Variants in LRPAP1 observed in about 807,000 individuals in gnomAD.
LRPAP1 encodes alpha-2-macroglobulin receptor-associated protein.
A neutral mutation model predicts 39.9 loss-of-function variants in LRPAP1; 41 were observed. That is an observed-to-expected ratio of 1.03 (90% CI 0.80 to 1.33). The LOEUF is 1.33. Among genes scored for constraint, LRPAP1 ranks in the 40% most tolerant of loss-of-function variants. LRPAP1 has a pLI of 0.00. For missense variants in LRPAP1, 565 were observed against 482.3 expected, an observed-to-expected ratio of 1.17 and a Z score of -1.61; for synonymous variants, 263 against 212.7, an observed-to-expected ratio of 1.24 and a Z score of -2.06.
chr4:3,528,217 T>C (rs1730137696), intron 1 of LRPAP1, among the ~76,000 whole-genome samples: 1 of 152,210 alleles, frequency 6.6e-6, no homozygotes, highest in Non-Finnish European at 1.5e-5. Flanking sequence ...GAAAAGAACC[T>C]GTCAAACATG....
rs1729780942 is a variant in LRPAP1, at chr4:3,518,146, C to G, written c.639G>C (p.Lys213Asn). The change falls in exon 5 of 8, where the codon AAG (lysine) becomes AAC (asparagine). Residue 213 changes from lysine (K) to asparagine (N), a missense_variant. By Grantham distance (94) the Lys-to-Asn change is moderately conservative. Coordinates refer to ENST00000650182, the MANE Select transcript of LRPAP1 (RefSeq NM_002337.4). Reference protein sequence around the residue: ...VISPSDLSDIKGSVLHSRHTE... With the variant: ...VISPSDLSDINGSVLHSRHTE... ...TGTGCCTGCTGTGCAGGACGCTGCC[C>G]TTGATGTCGCTCAGGTCCGAGGGGC... is the stretch of plus-strand genomic sequence containing the variant. 1 of 1,613,448 alleles carries G rather than the reference C, an allele frequency of 6.2e-7. No homozygotes were observed. The highest frequency in any genetic ancestry group is 1.3e-5 in the African/African-American group (1 of 74,936).
At chr4:3,522,513 C>A (rs959413201) in intron 2 of LRPAP1, among the ~76,000 whole-genome samples, 50 of 41,090 alleles carry the variant, frequency 1.2e-3, no homozygotes, top group Non-Finnish European at 2.2e-3. Context: ...CACTCCCTGC[C>A]TGGGGAGGAC....
chr4:3,509,107 T>G lies in LRPAP1; in HGVS notation c.*3867A>C, dbSNP rs1422539133. ...AGCATATCGAACACCTAGGACTAGATCTAAAGGAAAACATGCCAGACACAT... is the reference window on the plus strand; with the variant it reads ...AGCATATCGAACACCTAGGACTAGAGCTAAAGGAAAACATGCCAGACACAT... On this transcript the variant is annotated 3_prime_UTR_variant, in exon 8 of 8. Coordinates refer to ENST00000650182, the MANE Select transcript of LRPAP1 (RefSeq NM_002337.4). 6.6e-6 allele frequency: 1 copy of G among 152,258 alleles called. No homozygotes were observed. Among genetic ancestry groups the G allele is most frequent in the African/African-American group, 2.4e-5 (1 of 41,458 alleles). 9.4% of individuals were successfully genotyped at this position (152,258 alleles called of 1,614,324 possible).
intron 1 of LRPAP1, among the ~76,000 whole-genome samples, chr4:3,531,521 G>A (rs1014724510): frequency 3.9e-5 from 6 of 152,170 alleles, no homozygotes; most frequent in African/African-American, 1.4e-4. Context: ...TTAATGAAGA[G>A]AGCAGCTGGC....
rs571469169 is a variant in LRPAP1 at position 3,513,768 on chromosome 4, A to C, written c.1012-732T>G. Among the ~76,000 whole-genome samples, 4 of 152,340 alleles carry C rather than the reference A, an allele frequency of 2.6e-5. No homozygotes were observed. In the South Asian group the frequency reaches 6.2e-4, roughly 24 times the overall value. ...CCACAGATACCACCCCAGTGGCAGC[A>C]GGTGCTGCGTCAGCCCAGCCTGGGC... is the stretch of plus-strand genomic sequence containing the variant. On this transcript the variant is annotated intron_variant, in intron 7 of 7. Coordinates refer to ENST00000650182, the MANE Select transcript of LRPAP1 (RefSeq NM_002337.4).
At chr4:3,521,421 G>A (rs1188588076) in intron 2 of LRPAP1, among the ~76,000 whole-genome samples, 2 of 152,136 alleles carry the variant, frequency 1.3e-5, no homozygotes, top group South Asian at 2.1e-4. Flanking sequence ...TACTCCCAGC[G>A]GGGCCTCCAC....
intron 5 of LRPAP1, among the ~76,000 whole-genome samples, chr4:3,516,607 A>G (rs1023774118): frequency 2.0e-5 from 3 of 152,248 alleles, no homozygotes; most frequent in African/African-American, 4.8e-5. Context: ...ACGCAGGCAC[A>G]GGCCGTTTCC....
In LRPAP1 at chr4:3,512,798, C is replaced by A. The variant is rs1296401040; in HGVS notation, c.*176G>T. 3.3e-6 allele frequency: 2 copies of A among 602,818 alleles called. No homozygotes were observed. The highest frequency in any genetic ancestry group is 5.9e-6 in the Non-Finnish European group (2 of 340,242). The allele number at this position is 602,818 out of a possible 1,614,324, so 37.3% of individuals were successfully genotyped here. ...ATCTCAGACCCAAATGCTACCACCA[C>A]CAAGCCCTGTGTCGCGACGGCAGCG... is the stretch of plus-strand genomic sequence containing the variant. On this transcript the variant is annotated 3_prime_UTR_variant, in exon 8 of 8. Transcript: ENST00000650182.
At chr4:3,531,784 C>T (rs941571437) in intron 1 of LRPAP1, among the ~76,000 whole-genome samples, 1 of 152,258 alleles carries the variant, frequency 6.6e-6, no homozygotes, top group Non-Finnish European at 1.5e-5. Flanking sequence ...ACTGGGATTC[C>T]TTCTGTCCCT....
chr4:3,522,617 G>A (rs1308062409), intron 2 of LRPAP1, among the ~76,000 whole-genome samples: 4 of 142,584 alleles, frequency 2.8e-5, no homozygotes, highest in Non-Finnish European at 6.1e-5. Context: ...CCCCCTGCCT[G>A]GGGAGGACAG....
intron 1 of LRPAP1, among the ~76,000 whole-genome samples, chr4:3,530,907 C>G (rs543811839): frequency 2.0e-5 from 3 of 152,138 alleles, no homozygotes; most frequent in African/African-American, 7.2e-5. Flanking sequence ...GTCAGGGAGT[C>G]TATTTCGGGC....
intron 4 of LRPAP1, 68 bp downstream of exon 4, chr4:3,518,803 G>C: frequency 9.0e-7 from 1 of 1,111,548 alleles, no homozygotes; most frequent in Non-Finnish European, 1.3e-6. Flanking sequence ...ACGAGCCTCA[G>C]GTGCAGGAGG....
In LRPAP1 at chr4:3,532,233, G is replaced by A. The variant is rs2108701039; in HGVS notation, c.180C>T (p.Asn60=). The change falls in exon 1 of 8, where the codon AAC becomes AAT. Residue 60 remains asparagine (N), a synonymous_variant. Coordinates refer to ENST00000650182, the MANE Select transcript of LRPAP1 (RefSeq NM_002337.4). The part of the protein sequence containing the change: ...SGEEFRMEKL[N]QLWEKAQRLH... Reference sequence around the variant, plus strand: ...CTCGCTGGGCCTTCTCCCACAGCTGGTTCAACTTCTCCATGCGGAACTCCT... The same window carrying A: ...CTCGCTGGGCCTTCTCCCACAGCTGATTCAACTTCTCCATGCGGAACTCCT... 6.4e-7 allele frequency: 1 copy of A among 1,550,924 alleles called. No individual in the cohort carries two copies. The highest frequency in any genetic ancestry group is 8.7e-7 in the Non-Finnish European group (1 of 1,146,926).
Position 3,504,815 on chromosome 4 carries a change from C to T in LRPAP1, c.*8159G>A. Reference sequence around the variant, plus strand: ...CAGAAAAATTAGCTGGGTATGGTGGCAGGTGCCCATAATCCCAGCTACTTG... The same window carrying T: ...CAGAAAAATTAGCTGGGTATGGTGGTAGGTGCCCATAATCCCAGCTACTTG... On this transcript the variant is annotated 3_prime_UTR_variant, in exon 8 of 8. Coordinates refer to ENST00000650182, the MANE Select transcript of LRPAP1 (RefSeq NM_002337.4). Among the ~76,000 whole-genome samples the T allele has an allele frequency of 6.6e-6, 1 of 150,444 alleles. No individual in the cohort carries two copies. The highest frequency in any genetic ancestry group is 2.0e-4 in the East Asian group (1 of 5,118).
rs536479711 is a variant in LRPAP1 at position 3,525,016 on chromosome 4, G to T, written c.240C>A (p.His80Gln). 49 of 1,614,092 alleles carry T rather than the reference G, an allele frequency of 3.0e-5. 1 individual carries two copies. Among genetic ancestry groups the T allele is most frequent in the South Asian group, 2.7e-4 (25 of 91,088 alleles). The part of the protein sequence containing the change: ...HLPPVRLAEL[H>Q]ADLKIQERDE... The stretch of plus-strand genomic sequence containing the variant: ...CCCTCTCCTGTATCTTCAGATCAGC[G>T]TGGAGCTCGGCCAGCCTCACGGGAG... Residue 80 changes from histidine (H) to glutamine (Q), a missense_variant, in exon 2 of 8, where the codon CAC becomes CAA. Coordinates refer to ENST00000650182, the MANE Select transcript of LRPAP1 (RefSeq NM_002337.4).
Position 3,514,926 on chromosome 4 carries a change from C to T in LRPAP1, c.837G>A (p.Glu279=). The T allele has an allele frequency of 4.3e-6, 7 of 1,613,574 alleles. No individual in the cohort carries two copies. Among genetic ancestry groups the T allele is most frequent in the Non-Finnish European group, 5.9e-6 (7 of 1,179,772 alleles). Reference sequence around the variant, plus strand: ...TTTTGGCTTCGAAGTGCTTGAGCTCCTCCTGGAACAAGGTTTCCATAGGTG... The same window carrying T: ...TTTTGGCTTCGAAGTGCTTGAGCTCTTCCTGGAACAAGGTTTCCATAGGTG... The part of the protein sequence containing the change: ...LTDKELEAFR[E]ELKHFEAKIE... Residue 279 remains glutamate (E), a splice_region_variant and synonymous_variant, in exon 7 of 8, where the codon GAG becomes GAA. Transcript: ENST00000650182.
At position 3,531,235 on chromosome 4, in the gene LRPAP1, TC is replaced by T. The variant is rs1278868339; in HGVS notation, c.204+973del. Among the ~76,000 whole-genome samples, 3 of 152,108 alleles carry T rather than the reference TC, an allele frequency of 2.0e-5. No individual in the cohort carries two copies. In the East Asian group the frequency reaches 5.8e-4, roughly 29 times the overall value. On this transcript the variant is annotated intron_variant, in intron 1 of 7. Transcript: ENST00000650182. ...TGTGGAGCTGATGCCCAGGCGTCAA[TC>T]CCCATCCCCACGCAGTCTTATAACC...
In LRPAP1 at chr4:3,508,942, TCAGA is replaced by T. The variant is rs746282986; in HGVS notation, c.*4028_*4031del. On this transcript the variant is annotated 3_prime_UTR_variant, in exon 8 of 8. Transcript: ENST00000650182. ...CTGACAAGGGGAAGCAAAGCCACTG[TCAGA>T]CAGAGGACACGCGTGTGCACACGGA... 13 of 151,958 alleles carry T rather than the reference TCAGA, an allele frequency of 8.6e-5. No individual in the cohort carries two copies. The highest frequency in any genetic ancestry group is 3.1e-4 in the African/African-American group (13 of 41,420). 9.4% of individuals were successfully genotyped at this position (151,958 alleles called of 1,614,324 possible). A position where few individuals can be genotyped will look rare whatever the true frequency, so the allele number is the denominator to read the frequency against.
intron 5 of LRPAP1, among the ~76,000 whole-genome samples, chr4:3,516,459 C>T (rs557793683): frequency 7.4e-6 from 1 of 134,866 alleles, no homozygotes; most frequent in African/African-American, 2.6e-5. Flanking sequence ...CCAGAAACAC[C>T]TGCCTCCATC....
Sources: allele counts gnomAD v4.1 joint callset (sites outside exome capture counted in the v4.1 genomes callset), GRCh38; gene constraint gnomAD v4.1.1; transcripts MANE v1.5; gene names NCBI Gene and HGNC (gene_info 2026-07-23, HGNC 2026-07-21).